GOLM1: variants seen among roughly 807,000 people sequenced by gnomAD.
The protein encoded by GOLM1 is epididymis luminal protein 46.
GOLM1 carries 31 observed loss-of-function variants against 50.5 expected under a neutral mutation model. The ratio of observed to expected loss-of-function variants is 0.61; its 90% CI spans 0.46 to 0.83. GOLM1 has a LOEUF of 0.83. Among genes scored for constraint, GOLM1 ranks in the 40% least tolerant of loss-of-function variants. The pLI is 0.00. For missense variants in GOLM1, 491 were observed against 501.3 expected, an observed-to-expected ratio of 0.98 and a Z score of 0.20; for synonymous variants, 178 against 192.8, an observed-to-expected ratio of 0.92 and a Z score of 0.64.
At chr9:86,092,253 A>G (rs982681183) in intron 1 of GOLM1, among the ~76,000 whole-genome samples, 3 of 152,238 alleles carry the variant, frequency 2.0e-5, no homozygotes, top group Non-Finnish European at 4.4e-5. Context: ...TTAGGGATGG[A>G]AAGATGAACA....
At chr9:86,041,198 TG>T (rs1376594463) in intron 5 of GOLM1, among the ~76,000 whole-genome samples, 2 of 152,304 alleles carry the variant, frequency 1.3e-5, no homozygotes, top group East Asian at 3.9e-4. Flanking sequence ...TTAAAAGCCT[TG>T]GAAGTTCCTG....
chr9:86,069,705 G>A (rs1423565068), intron 3 of GOLM1, among the ~76,000 whole-genome samples: 2 of 152,204 alleles, frequency 1.3e-5, no homozygotes, highest in Non-Finnish European at 2.9e-5. Context: ...CATGGGCAGA[G>A]GGTTAGCTGA....
chr9:86,061,792 T>C (rs1442429484), intron 3 of GOLM1, among the ~76,000 whole-genome samples: 1 of 152,112 alleles, frequency 6.6e-6, no homozygotes, highest in East Asian at 1.9e-4. Flanking sequence ...TGAGTTGAAC[T>C]GAGTGTGAGA....
intron 1 of GOLM1, among the ~76,000 whole-genome samples, chr9:86,094,293 A>T (rs1835283759): frequency 6.6e-6 from 1 of 152,166 alleles, no homozygotes; most frequent in Non-Finnish European, 1.5e-5. Flanking sequence ...CCCATAGGGT[A>T]TTGTGAGGAT....
intron 8 of GOLM1, among the ~76,000 whole-genome samples, 198 bp from the exon 9 acceptor site, chr9:86,033,593 A>T (rs1355290481): frequency 6.6e-6 from 1 of 152,220 alleles, no homozygotes; most frequent in African/African-American, 2.4e-5. Flanking sequence ...TGGACTCGGA[A>T]TCTACAGACA....
At position 86,031,472 on chromosome 9, in the gene GOLM1, T is replaced by TTC. The variant is rs1554781517; in HGVS notation, c.1129+1809_1129+1810insGA. Among the ~76,000 whole-genome samples, 248 of 145,744 alleles carry TTC rather than the reference T, an allele frequency of 1.7e-3. 1 individual carries two copies. The highest frequency in any genetic ancestry group is 6.2e-3 in the African/African-American group (239 of 38,522). ...AGGTTTTTTTTTTTTTTTTTTTTTT[T>TTC]TTCCCCGAGACGGAGTTTCACTCTT... On this transcript the variant is annotated intron_variant, in intron 9 of 9. Transcript: ENST00000388712.
intron 3 of GOLM1, among the ~76,000 whole-genome samples, chr9:86,056,662 C>A (rs893823841): frequency 6.6e-6 from 1 of 151,834 alleles, no homozygotes; most frequent in Non-Finnish European, 1.5e-5. Flanking sequence ...CCCGCCACCA[C>A]GCCTGGCTAA....
Position 86,026,288 on chromosome 9 carries a change from GA to G in GOLM1, c.*1528del. The G allele has an allele frequency of 1.0e-6, 1 of 984,846 alleles. No homozygotes were observed. The highest frequency in any genetic ancestry group is 1.2e-6 in the Non-Finnish European group (1 of 829,422). 61.0% of individuals were successfully genotyped at this position (984,846 alleles called of 1,614,324 possible). A position where few individuals can be genotyped will look rare whatever the true frequency, so the allele number is the denominator to read the frequency against. Reference sequence around the variant, plus strand: ...CAAAGTGAGGCTGGAAGAGGACTTAGAAGAGTATGAAAGTACTCTAAGATTT... The same window carrying G: ...CAAAGTGAGGCTGGAAGAGGACTTAGAGAGTATGAAAGTACTCTAAGATTT... On this transcript the variant is annotated 3_prime_UTR_variant, in exon 10 of 10. Transcript: ENST00000388712.
chr9:86,041,970 G>A (rs1208204296), intron 5 of GOLM1, among the ~76,000 whole-genome samples: 2 of 152,114 alleles, frequency 1.3e-5, no homozygotes, highest in East Asian at 1.9e-4. Flanking sequence ...ACAAAAAATT[G>A]GCTGGGCATG....
chr9:86,085,912 T>G (rs911274246), intron 1 of GOLM1, among the ~76,000 whole-genome samples: 1 of 152,242 alleles, frequency 6.6e-6, no homozygotes, highest in Non-Finnish European at 1.5e-5. Context: ...GTCTTTGCTA[T>G]CGTGAACAGT....
At chr9:86,037,839 G>A (rs1833195488) in intron 6 of GOLM1, among the ~76,000 whole-genome samples, 1 of 152,232 alleles carries the variant, frequency 6.6e-6, no homozygotes, top group African/African-American at 2.4e-5. Context: ...TTGAGGCTCA[G>A]TGTGGATGAG....
chr9:86,066,669 G>A lies in GOLM1; in HGVS notation c.309+10743C>T, dbSNP rs139686205. 2.0e-3 allele frequency among the ~76,000 whole-genome samples: 304 copies of A among 152,336 alleles called. 2 individuals are homozygous for A. Among genetic ancestry groups the A allele is most frequent in the African/African-American group, 6.9e-3 (288 of 41,574 alleles). ...TGCAGCTGCGAGAAACCAGCCGAGCGAGAATGTTACAAGTGCAAATGCTGA... is the reference window on the plus strand; with the variant it reads ...TGCAGCTGCGAGAAACCAGCCGAGCAAGAATGTTACAAGTGCAAATGCTGA... On this transcript the variant is annotated intron_variant, in intron 3 of 9. Transcript: ENST00000388712.
intron 3 of GOLM1, among the ~76,000 whole-genome samples, chr9:86,067,377 G>A (rs1834336183): frequency 1.3e-5 from 2 of 152,166 alleles, no homozygotes; most frequent in South Asian, 4.1e-4. Flanking sequence ...TTCTAGTTAG[G>A]CCCCTTAAAA....
chr9:86,060,861 A>G (rs1199262296), intron 3 of GOLM1, among the ~76,000 whole-genome samples: 1 of 130,774 alleles, frequency 7.6e-6, no homozygotes, highest in Non-Finnish European at 1.6e-5. Context: ...CTGGGCAACA[A>G]GAGCGAAACT....
chr9:86,027,398 G>C lies in GOLM1; in HGVS notation c.*419C>G. The C allele has an allele frequency of 6.0e-6, 6 of 994,984 alleles. No individual in the cohort carries two copies. Among genetic ancestry groups the C allele is most frequent in the Non-Finnish European group, 7.2e-6 (6 of 836,344 alleles). 61.6% of individuals were successfully genotyped at this position (994,984 alleles called of 1,614,324 possible). On this transcript the variant is annotated 3_prime_UTR_variant, in exon 10 of 10. Coordinates refer to ENST00000388712, the MANE Select transcript of GOLM1 (RefSeq NM_016548.4). Reference sequence around the variant, plus strand: ...AGGTAACAGGCTGGCACCAGCACTTGGTACAGCACGTGGACAGGACGACGG... The same window carrying C: ...AGGTAACAGGCTGGCACCAGCACTTCGTACAGCACGTGGACAGGACGACGG...
chr9:86,090,485 C>T (rs1354718324), intron 1 of GOLM1, among the ~76,000 whole-genome samples: 2 of 152,238 alleles, frequency 1.3e-5, no homozygotes, highest in East Asian at 1.9e-4. Flanking sequence ...GTGGCTTTGC[C>T]GAGCTGCAGT....
At chr9:86,088,565 T>TG (rs1331027669) in intron 1 of GOLM1, among the ~76,000 whole-genome samples, 1 of 72,632 alleles carries the variant, frequency 1.4e-5, no homozygotes, top group East Asian at 6.9e-4. Flanking sequence ...TTGCAACTCC[T>TG]GGTTTTGTTT....
intron 1 of GOLM1, among the ~76,000 whole-genome samples, chr9:86,085,661 G>A (rs1266742335): frequency 6.6e-6 from 1 of 151,912 alleles, no homozygotes; most frequent in African/African-American, 2.4e-5. Context: ...GCCCTGGTGT[G>A]TGATGTTTCC....
At chr9:86,063,142 A>G (rs1201645834) in intron 3 of GOLM1, among the ~76,000 whole-genome samples, 3 of 152,252 alleles carry the variant, frequency 2.0e-5, no homozygotes, top group Non-Finnish European at 2.9e-5. Context: ...GGCTTGACCC[A>G]GGAGCGGGGG....
Sources: allele counts gnomAD v4.1 joint callset (sites outside exome capture counted in the v4.1 genomes callset), GRCh38; gene constraint gnomAD v4.1.1; transcripts MANE v1.5; gene names NCBI Gene and HGNC (gene_info 2026-07-23, HGNC 2026-07-21).